Variants in FAM174C observed in about 807,000 individuals in gnomAD.
FAM174C encodes protein FAM174C.
In FAM174C, 19 loss-of-function variants were observed where a neutral mutation model predicts 12.3. That is an observed-to-expected ratio of 1.55 (90% CI 1.08 to 2.27). The LOEUF (loss-of-function observed/expected upper bound fraction) is 2.27, where lower values mean the gene tolerates loss of function less well. Ranked by LOEUF, FAM174C falls within the 30% of genes most tolerant of loss-of-function variation. The pLI is 0.00. For missense variants in FAM174C, 239 were observed against 190.2 expected (o/e 1.26, Z -1.51); for synonymous variants, 147 against 103.5 (o/e 1.42, Z -2.55).
chr19:1,276,957 G>C (rs1216509183), intron 1 of FAM174C: 7 of 519,628 alleles, frequency 1.3e-5, no homozygotes, highest in Non-Finnish European at 2.2e-5. Context: ...TGGCGCAGGG[G>C]AGATGGGAGG....
chr19:1,278,927 T>G lies in FAM174C; in HGVS notation c.*150T>G, dbSNP rs1300207684. ...ACCCAGTGCCAACCCGAGAGCTCCT[T>G]TTGGAACCTGCACAGCCCGCCGACC... On this transcript the variant is annotated 3_prime_UTR_variant, in exon 3 of 3. Coordinates refer to ENST00000409293, the MANE Select transcript of FAM174C (RefSeq NM_017914.4). 1 of 1,613,166 alleles carries G rather than the reference T, an allele frequency of 6.2e-7. No homozygotes were observed. Among genetic ancestry groups the G allele is most frequent in the African/African-American group, 1.3e-5 (1 of 75,042 alleles).
intron 1 of FAM174C, chr19:1,276,066 C>G: frequency 1.9e-6 from 1 of 522,688 alleles, no homozygotes; most frequent in Non-Finnish European, 3.4e-6. Flanking sequence ...CCCAGCGCGC[C>G]GCCTCTTAAC....
In FAM174C at chr19:1,278,980, C is replaced by T. The variant is rs1216766343; in HGVS notation, c.*203C>T. The T allele has an allele frequency of 1.2e-6, 2 of 1,612,478 alleles. No individual in the cohort carries two copies. Among genetic ancestry groups the T allele is most frequent in the South Asian group, 1.1e-5 (1 of 91,092 alleles). ...TTGCCACCTGCACCCACCGCTGGAC[C>T]ATGCAGCCTCGCCTCCTGGATGCTG... On this transcript the variant is annotated 3_prime_UTR_variant, in exon 3 of 3. Transcript: ENST00000409293.
rs1349163253 is a variant in FAM174C at position 1,277,188 on chromosome 19, A to G, written c.287A>G (p.Lys96Arg). ...LYFLIRAFRL[K>R]KPQRRRYGLL... is the part of the protein sequence containing the mutation. ...ATGCCTGGACCTACTTCCAGGTTGA[A>G]GAAGCCTCAGCGGAGGCGATACGGC... Residue 96 changes from lysine to arginine, a missense_variant, in exon 2 of 3, where the codon AAG becomes AGG. By Grantham distance (26) the Lys-to-Arg change is conservative. Coordinates refer to ENST00000409293, the MANE Select transcript of FAM174C (RefSeq NM_017914.4). The G allele has an allele frequency of 1.9e-6, 3 of 1,538,570 alleles. No individual in the cohort carries two copies. Among genetic ancestry groups the G allele is most frequent in the Middle Eastern group, 1.7e-4 (1 of 5,972 alleles).
At chr19:1,277,984 AG>A (rs1358517538) in intron 2 of FAM174C, 1 of 152,602 alleles carries the variant, frequency 6.6e-6, no homozygotes, top group African/African-American at 2.4e-5. Flanking sequence ...CATGTTGGCC[AG>A]GCTGGCCTCG....
rs771242963 is a variant in FAM174C at position 1,277,139 on chromosome 19, G to GGAGGA, written c.282-44_282-43insGAGGA. The GGAGGA allele has an allele frequency of 4.6e-5, 69 of 1,512,966 alleles. No homozygotes were observed. In the African/African-American group the frequency reaches 9.2e-4, roughly 20 times the overall value. The allele number at this position is 1,512,966 out of a possible 1,614,324, so 93.7% of individuals were successfully genotyped here. A position where few individuals can be genotyped will look rare whatever the true frequency, so the allele number is the denominator to read the frequency against. ...AGTCCTGAGGGAAGGAGGAGGCAGG[G>GGAGGA]TTGGCGGGGAGGGGCCACTGACTAT... is the stretch of plus-strand genomic sequence containing the variant. On this transcript the variant is annotated intron_variant, in intron 1 of 2. Transcript: ENST00000409293.
intron 2 of FAM174C, among the ~76,000 whole-genome samples, 172 bp downstream of exon 2, chr19:1,277,471 TACA>T (rs1396257550): frequency 2.0e-5 from 3 of 152,116 alleles, no homozygotes; most frequent in Non-Finnish European, 4.4e-5. Context: ...AGCCTCCATT[TACA>T]ACTTTTTTTT....
chr19:1,279,060 G>A lies in FAM174C; in HGVS notation c.*283G>A, dbSNP rs755581431. On this transcript the variant is annotated 3_prime_UTR_variant, in exon 3 of 3. Transcript: ENST00000409293. Reference sequence around the variant, plus strand: ...GACTGGAGGGACCCCAACAGCCACCGCCCAGGACGCTGAGGCTCCCTTGCC... The same window carrying A: ...GACTGGAGGGACCCCAACAGCCACCACCCAGGACGCTGAGGCTCCCTTGCC... 6 of 1,611,816 alleles carry A rather than the reference G, an allele frequency of 3.7e-6. No homozygotes were observed. The highest frequency in any genetic ancestry group is 2.2e-5 in the East Asian group (1 of 44,900).
chr19:1,278,673 G>A, intron 2 of FAM174C, 104 bp from the exon 3 acceptor site: 1 of 1,553,212 alleles, frequency 6.4e-7, no homozygotes, highest in Non-Finnish European at 8.7e-7. Flanking sequence ...GGTAGACCGA[G>A]GGGCCTGGAC....
chr19:1,278,744 C>G, intron 2 of FAM174C, 33 bp from the exon 3 acceptor site: 1 of 1,610,900 alleles, frequency 6.2e-7, no homozygotes, highest in South Asian at 1.1e-5. Flanking sequence ...GCCCTTCACT[C>G]CTTCCCTCTC....
At chr19:1,276,162 G>A (rs1555756143) in intron 1 of FAM174C, 1 of 337,994 alleles carries the variant, frequency 3.0e-6, no homozygotes, top group East Asian at 6.1e-5. Context: ...GGGGCGAGGG[G>A]GCCTCCTTGG....
intron 1 of FAM174C, chr19:1,276,718 C>T (rs1401600486): frequency 1.3e-5 from 2 of 154,668 alleles, no homozygotes; most frequent in Non-Finnish European, 2.9e-5. Context: ...GGGCCCTGTG[C>T]AGAGCCTCCC....
In FAM174C at chr19:1,275,610, G is replaced by C; in HGVS notation, c.61G>C (p.Ala21Pro). The C allele has an allele frequency of 7.9e-7, 1 of 1,258,130 alleles. No homozygotes were observed. Among genetic ancestry groups the C allele is most frequent in the Non-Finnish European group, 1.0e-6 (1 of 1,004,576 alleles). 77.9% of individuals were successfully genotyped at this position (1,258,130 alleles called of 1,614,324 possible). Residue 21 changes from alanine to proline, a missense_variant, in exon 1 of 3, where the codon GCG (alanine) becomes CCG (proline). Physicochemically the swap from Ala to Pro is conservative, Grantham distance 27. Transcript: ENST00000409293. ...GCTCCTGCTGGCGCTGCTGCTGGCG[G>C]CGCTGCCGTGCGGTGCCGAAGAGGC... The part of the protein sequence containing the change: ...LLLLLALLLA[A>P]LPCGAEEASP...
intron 1 of FAM174C, 96 bp from the exon 2 acceptor site, chr19:1,277,087 G>T (rs984956917): frequency 6.9e-7 from 1 of 1,449,392 alleles, no homozygotes; most frequent in Admixed American, 2.4e-5. Flanking sequence ...AGCAGGGCTC[G>T]GGGCTCCAGT....
At chr19:1,278,304 G>A (rs2081424487) in intron 2 of FAM174C, among the ~76,000 whole-genome samples, 1 of 77,048 alleles carries the variant, frequency 1.3e-5, no homozygotes, top group Admixed American at 1.5e-4. Flanking sequence ...GCAGATGCCG[G>A]GCGGGACTGG....
At position 1,277,278 on chromosome 19, in the gene FAM174C, T is replaced by C. The variant is rs1230582073; in HGVS notation, c.377T>C (p.Phe126Ser). The change falls in exon 2 of 3, where the codon TTT becomes TCT. Residue 126 changes from phenylalanine to serine, a missense_variant. Physicochemically the swap from Phe to Ser is radical, Grantham distance 155. Transcript: ENST00000409293. ...ASLDSDEETV[F>S]ESRNLR Reference sequence around the variant, plus strand: ...CTGGACAGCGACGAGGAGACGGTGTTTGAGTCCCGGAATCTGAGATGGTGT... The same window carrying C: ...CTGGACAGCGACGAGGAGACGGTGTCTGAGTCCCGGAATCTGAGATGGTGT... 3.2e-6 allele frequency: 5 copies of C among 1,548,072 alleles called. No homozygotes were observed. In the Admixed American group the frequency reaches 9.8e-5, roughly 30 times the overall value.
At chr19:1,275,882 C>T in intron 1 of FAM174C, 52 bp downstream of exon 1, 1 of 1,495,238 alleles carries the variant, frequency 6.7e-7, no homozygotes, top group Non-Finnish European at 9.0e-7. Flanking sequence ...AATTAGCGCG[C>T]GCCTAGTGCG....
At chr19:1,276,017 A>G (rs1180640515) in intron 1 of FAM174C, 187 bp downstream of exon 1, 10 of 572,356 alleles carry the variant, frequency 1.7e-5, no homozygotes, top group Non-Finnish European at 2.9e-5. Context: ...GGGCCACGGG[A>G]CTCACCCGCT....
chr19:1,275,871 C>T, intron 1 of FAM174C, 41 bp downstream of exon 1: 3 of 1,518,488 alleles, frequency 2.0e-6, no homozygotes, highest in South Asian at 1.2e-5. Flanking sequence ...CAGCCTTGGC[C>T]AATTAGCGCG....
Sources: allele counts gnomAD v4.1 joint callset (sites outside exome capture counted in the v4.1 genomes callset), GRCh38; gene constraint gnomAD v4.1.1; transcripts MANE v1.5; gene names NCBI Gene and HGNC (gene_info 2026-07-23, HGNC 2026-07-21).